The following KNTC1 variants were observed in gnomAD, a reference collection of about 807,000 sequenced individuals.
KNTC1 encodes kinetochore-associated protein 1.
A neutral mutation model predicts 314.4 loss-of-function variants in KNTC1; 253 were observed. The observed-to-expected ratio is 0.80, with a 90% confidence interval of 0.73 to 0.89. The LOEUF is 0.89. KNTC1 is among the 40% of genes least tolerant of loss of function. The pLI is 0.00. For synonymous variants in KNTC1, 901 were observed against 901.4 expected (o/e 1.00, Z 0.01); for missense variants, 2,475 against 2,572.9 (o/e 0.96, Z 0.82).
rs753723681 is a variant in KNTC1, at chr12:122,551,341, G to C, written c.1109G>C (p.Gly370Ala). The C allele has an allele frequency of 3.8e-6, 6 of 1,590,190 alleles. No homozygotes were observed. The East Asian group carries it at 1.3e-4, about 36-fold the overall frequency. ...TAGGATACCATATACCTTTTAGAAGGAGTTTGCAAAAATGATCCAAAGTAG... is the reference window on the plus strand; with the variant it reads ...TAGGATACCATATACCTTTTAGAAGCAGTTTGCAAAAATGATCCAAAGTAG... ...ISTDTIYLLEGVCKNDPKLSE... is the reference protein window; with the variant it reads ...ISTDTIYLLEAVCKNDPKLSE... Residue 370 changes from glycine to alanine, a missense_variant, in exon 14 of 64, where the codon GGA becomes GCA. Transcript: ENST00000333479.
rs1464424648 is a variant in KNTC1, at chr12:122,626,350, C to T, written c.*122C>T. 1 of 682,436 alleles carries T rather than the reference C, an allele frequency of 1.5e-6. No homozygotes were observed. The highest frequency in any genetic ancestry group is 1.8e-5 in the African/African-American group (1 of 55,006). 42.3% of individuals were successfully genotyped at this position (682,436 alleles called of 1,614,324 possible). On this transcript the variant is annotated 3_prime_UTR_variant, in exon 64 of 64. Coordinates refer to ENST00000333479, the MANE Select transcript of KNTC1 (RefSeq NM_014708.6). ...TATAGCTATTTGTCTAACATTACCCCACATGTAATAAATAAAACAATATGA... is the reference window on the plus strand; with the variant it reads ...TATAGCTATTTGTCTAACATTACCCTACATGTAATAAATAAAACAATATGA...
intron 31 of KNTC1, among the ~76,000 whole-genome samples, chr12:122,579,657 A>C (rs970712462): frequency 6.6e-6 from 1 of 152,184 alleles, no homozygotes. Context: ...ATTAATCATA[A>C]TGTAGTTGAA....
intron 18 of KNTC1, among the ~76,000 whole-genome samples, chr12:122,560,469 C>G (rs1963901758): frequency 6.6e-6 from 1 of 152,074 alleles, no homozygotes; most frequent in South Asian, 2.1e-4. Flanking sequence ...ACCCCCCAGG[C>G]TCAAGTGATT....
At chr12:122,533,277 G>A (rs892150284) in intron 2 of KNTC1, among the ~76,000 whole-genome samples, 2 of 151,398 alleles carry the variant, frequency 1.3e-5, no homozygotes, top group Admixed American at 6.6e-5. Context: ...AGTGATTCTC[G>A]TGCCTCAGCC....
At position 122,543,620 on chromosome 12, in the gene KNTC1, A is replaced by G; in HGVS notation, c.544A>G (p.Ser182Gly). ...IQQAIENVDFSTAKKLQGQIK... is the reference protein window; with the variant it reads ...IQQAIENVDFGTAKKLQGQIK... ...TGCAGCAATTGAGAATGTAGACTTC[A>G]GTACAGCAAAAAAGGTAAGAAAATA... Residue 182 changes from serine to glycine, a missense_variant, in exon 7 of 64, where the codon AGT becomes GGT. Ser to Gly is a moderately conservative substitution (Grantham distance 56). Transcript: ENST00000333479. 1 of 1,562,142 alleles carries G rather than the reference A, an allele frequency of 6.4e-7. No homozygotes were observed. Among genetic ancestry groups the G allele is most frequent in the Non-Finnish European group, 8.7e-7 (1 of 1,150,782 alleles).
chr12:122,548,210 A>T (rs1188866428), intron 12 of KNTC1, among the ~76,000 whole-genome samples: 9 of 151,912 alleles, frequency 5.9e-5, no homozygotes, highest in Non-Finnish European at 1.3e-4. Flanking sequence ...ATTTTATTTT[A>T]TTATTATTAT....
At chr12:122,538,975 C>A (rs975808596) in intron 4 of KNTC1, among the ~76,000 whole-genome samples, 1 of 152,208 alleles carries the variant, frequency 6.6e-6, no homozygotes, top group African/African-American at 2.4e-5. Flanking sequence ...GGGTTGAAGT[C>A]CACCTTGTCT....
In KNTC1 at chr12:122,544,213, G is replaced by C. The variant is rs770065963; in HGVS notation, c.613G>C (p.Gly205Arg). ...FISTENYHTL[G>R]CLSLVAGDLA... ...TTCTACTGAAAATTATCATACTCTT[G>C]GTTGTCTCAGTCTTGTGGCTGGAGA... Residue 205 changes from glycine (G) to arginine (R), a missense_variant, in exon 8 of 64, where the codon GGT (glycine) becomes CGT (arginine). By Grantham distance (125) the Gly-to-Arg change is moderately radical (BLOSUM62 -2). Coordinates refer to ENST00000333479, the MANE Select transcript of KNTC1 (RefSeq NM_014708.6). 24 of 1,586,506 alleles carry C rather than the reference G, an allele frequency of 1.5e-5. No individual in the cohort carries two copies. In the East Asian group the frequency reaches 5.0e-4, roughly 33 times the overall value.
rs542419972 is a variant in KNTC1, at chr12:122,569,743, A to G, written c.1779A>G (p.Ala593=). 1.4e-5 allele frequency: 23 copies of G among 1,613,852 alleles called. No individual in the cohort carries two copies. The African/African-American group carries it at 2.5e-4, about 18-fold the overall frequency. ...MLESLLNSMS[A]SVSLQKLCPW... ...AGAGCTTGCTCAACTCAATGTCTGCATCAGTCTCTTTGCAAAAGCTGTGTC... is the reference window on the plus strand; with the variant it reads ...AGAGCTTGCTCAACTCAATGTCTGCGTCAGTCTCTTTGCAAAAGCTGTGTC... Residue 593 remains alanine, a synonymous_variant, in exon 22 of 64, where the codon GCA becomes GCG. Coordinates refer to ENST00000333479, the MANE Select transcript of KNTC1 (RefSeq NM_014708.6).
chr12:122,624,371 C>T (rs926878245), intron 62 of KNTC1, among the ~76,000 whole-genome samples: 1 of 152,120 alleles, frequency 6.6e-6, no homozygotes, highest in African/African-American at 2.4e-5. Flanking sequence ...TGGGTTCAAG[C>T]GATCCTCCTA....
At position 122,594,298 on chromosome 12, in the gene KNTC1, G is replaced by T; in HGVS notation, c.4268G>T (p.Arg1423Met). 1 of 1,605,776 alleles carries T rather than the reference G, an allele frequency of 6.2e-7. No homozygotes were observed. Residue 1423 changes from arginine to methionine, a missense_variant, in exon 43 of 64, where the codon AGG (arginine) becomes ATG (methionine). Arg to Met is a moderately conservative substitution (Grantham distance 91, BLOSUM62 -1). Coordinates refer to ENST00000333479, the MANE Select transcript of KNTC1 (RefSeq NM_014708.6). ...KLGISFQPVF[R>M]QHFLTKKDLI... ...TAGATTTCTTTTCAACCAGTTTTCA[G>T]GCAACATTTTCTCACCAAGAAAGAC... is the stretch of plus-strand genomic sequence containing the variant.
At chr12:122,578,067 T>C (rs1178771775) in intron 31 of KNTC1, among the ~76,000 whole-genome samples, 1 of 152,166 alleles carries the variant, frequency 6.6e-6, no homozygotes, top group African/African-American at 2.4e-5. Context: ...CTATAAAGCG[T>C]TGCAATATAA....
chr12:122,544,048 T>C, intron 7 of KNTC1, 111 bp from the exon 8 acceptor site: 1 of 472,170 alleles, frequency 2.1e-6, no homozygotes, highest in Admixed American at 4.3e-5. Context: ...AAACTCTGTC[T>C]CCAAAAAAAA....
In KNTC1 at chr12:122,547,974, T is replaced by C; in HGVS notation, c.987+5T>C. On this transcript the variant is annotated splice_donor_5th_base_variant and intron_variant, in intron 12 of 63. Coordinates refer to ENST00000333479, the MANE Select transcript of KNTC1 (RefSeq NM_014708.6). ...ACAGCTTCAGCTAATAAGAAGGTATTGGAAAATTTTATTTTGTGCTTGCCT... is the reference window on the plus strand; with the variant it reads ...ACAGCTTCAGCTAATAAGAAGGTATCGGAAAATTTTATTTTGTGCTTGCCT... The C allele has an allele frequency of 6.5e-7, 1 of 1,531,922 alleles. No individual in the cohort carries two copies. Among genetic ancestry groups the C allele is most frequent in the Admixed American group, 2.3e-5 (1 of 44,410 alleles). The allele number at this position is 1,531,922 out of a possible 1,614,324, so 94.9% of individuals were successfully genotyped here. A position where few individuals can be genotyped will look rare whatever the true frequency, so the allele number is the denominator to read the frequency against.
At position 122,539,696 on chromosome 12, in the gene KNTC1, CGAT is replaced by C. The variant is rs1399571390; in HGVS notation, c.390_392del (p.Asp130del). The C allele has an allele frequency of 1.9e-6, 3 of 1,575,314 alleles. No individual in the cohort carries two copies. In the African/African-American group the frequency reaches 4.1e-5, roughly 21 times the overall value. Reference sequence around the variant, plus strand: ...TTTAGGCATTTGTTCAGAAAGCTAACGATGAAAATCGGCGGACTTACCAGAATC... The same window carrying C: ...TTTAGGCATTTGTTCAGAAAGCTAACGAAAATCGGCGGACTTACCAGAATC... On this transcript the variant is annotated inframe_deletion, in exon 5 of 64. Transcript: ENST00000333479.
At chr12:122,614,283 G>A (rs1201338022) in intron 55 of KNTC1, among the ~76,000 whole-genome samples, 1 of 152,188 alleles carries the variant, frequency 6.6e-6, no homozygotes. Flanking sequence ...CAACCAGAGA[G>A]AGCACTTTTA....
In KNTC1 at chr12:122,584,904, G is replaced by T; in HGVS notation, c.3448G>T (p.Asp1150Tyr). The change falls in exon 36 of 64, where the codon GAT becomes TAT. Residue 1150 changes from aspartate (D) to tyrosine (Y), a missense_variant. Transcript: ENST00000333479. ...CCATTTTGTTTCAGATTTTTTACTA[G>T]ATGCTTTAGAACTATGTAAACATAC... The part of the protein sequence containing the change: ...ATICSPDFLL[D>Y]ALELCKHTLM... 6.5e-7 allele frequency: 1 copy of T among 1,544,752 alleles called. No individual in the cohort carries two copies. Among genetic ancestry groups the T allele is most frequent in the Non-Finnish European group, 8.9e-7 (1 of 1,122,336 alleles).
rs1316638623 is a variant in KNTC1, at chr12:122,594,453, TA to T, written c.4355+70del. On this transcript the variant is annotated intron_variant, in intron 43 of 63. Coordinates refer to ENST00000333479, the MANE Select transcript of KNTC1 (RefSeq NM_014708.6). ...TGGTAATTCTTTTGCAAGAACACAG[TA>T]ATAACGATGATTATTTTATGAGGTC... is the stretch of plus-strand genomic sequence containing the variant. 3.4e-6 allele frequency: 3 copies of T among 878,288 alleles called. No individual in the cohort carries two copies. In the East Asian group the frequency reaches 7.2e-5, roughly 21 times the overall value. The allele number at this position is 878,288 out of a possible 1,614,324, so 54.4% of individuals were successfully genotyped here.
In KNTC1 at chr12:122,603,185, A is replaced by G. The variant is rs969847050; in HGVS notation, c.5043A>G (p.Ile1681Met). 1 of 1,613,280 alleles carries G rather than the reference A, an allele frequency of 6.2e-7. No individual in the cohort carries two copies. The highest frequency in any genetic ancestry group is 1.3e-5 in the African/African-American group (1 of 74,884). Residue 1681 changes from isoleucine to methionine, a missense_variant, in exon 48 of 64, where the codon ATA becomes ATG. Physicochemically the swap from Ile to Met is conservative, Grantham distance 10. Coordinates refer to ENST00000333479, the MANE Select transcript of KNTC1 (RefSeq NM_014708.6). ...CCATCGAATCCTGCTTACTCTCTAT[A>G]GTCAACCCAGAGTGGGCTGTAGCTA... ...TQTIESCLLS[I>M]VNPEWAVAIA...
Sources: gnomAD v4.1 joint callset for allele counts (sites outside exome capture counted in the v4.1 genomes callset) on GRCh38, gnomAD v4.1.1 for gene constraint, MANE v1.5 for transcripts, NCBI Gene and HGNC (gene_info 2026-07-23, HGNC 2026-07-21) for gene names.